The following FRMD4A variants were observed in gnomAD, a reference collection of about 807,000 sequenced individuals.
The protein encoded by FRMD4A is FERM domain containing 4A, also known as FERM domain-containing protein 4A.
A neutral mutation model predicts 129.1 loss-of-function variants in FRMD4A; 29 were observed. The ratio of observed to expected loss-of-function variants is 0.22; its 90% CI spans 0.17 to 0.31. FRMD4A has a LOEUF of 0.31. Among genes scored for constraint, FRMD4A ranks in the 10% least tolerant of loss-of-function variants. The probability of loss-of-function intolerance (pLI) is 1.00; values close to 1 mark genes in which losing one functional copy is unlikely to be tolerated. For missense variants in FRMD4A, 1,272 were observed against 1,375.8 expected (o/e 0.92, Z 1.19); for synonymous variants, 634 against 571.6 (o/e 1.11, Z -1.56).
At chr10:13,935,477 T>G (rs11599099) in intron 2 of FRMD4A, among the ~76,000 whole-genome samples, 13,248 of 113,570 alleles carry the variant, frequency 0.12, 1,566 homozygotes, top group Non-Finnish European at 0.15. Flanking sequence ...AAAAAAAAAG[T>G]TGTTACCAAA....
At chr10:14,224,686 A>C (rs1843377322) in intron 2 of FRMD4A, among the ~76,000 whole-genome samples, 1 of 152,180 alleles carries the variant, frequency 6.6e-6, no homozygotes. Flanking sequence ...AAAGCAGCAA[A>C]AGATAAGAGA....
chr10:14,102,967 C>T (rs1564293304), intron 2 of FRMD4A, among the ~76,000 whole-genome samples: 1 of 152,146 alleles, frequency 6.6e-6, no homozygotes, highest in South Asian at 2.1e-4. Context: ...CCTGTCACAG[C>T]CACTTTCTGA....
At chr10:13,858,711 C>G (rs1037920216) in intron 3 of FRMD4A, 136 bp downstream of exon 3, 1 of 709,802 alleles carries the variant, frequency 1.4e-6, no homozygotes, top group Non-Finnish European at 2.6e-6. Context: ...CCTGGTGGGT[C>G]CTAGTCATTC....
At chr10:14,129,751 A>G (rs550268119) in intron 2 of FRMD4A, among the ~76,000 whole-genome samples, 1 of 152,216 alleles carries the variant, frequency 6.6e-6, no homozygotes, top group Admixed American at 6.5e-5. Context: ...CCTGGGAAAT[A>G]TCTGAAATAT....
At chr10:13,859,031 C>A in intron 2 of FRMD4A, 119 bp from the exon 3 acceptor site, 1 of 731,262 alleles carries the variant, frequency 1.4e-6, no homozygotes, top group South Asian at 1.4e-5. Flanking sequence ...CTCTGGGAGT[C>A]GGCACTGTAT....
chr10:13,986,321 A>G (rs1167828744), intron 2 of FRMD4A, among the ~76,000 whole-genome samples: 1 of 151,742 alleles, frequency 6.6e-6, no homozygotes, highest in African/African-American at 2.4e-5. Context: ...GCAGCCATAA[A>G]AAATGATGAG....
Position 13,747,751 on chromosome 10 carries a change from G to C in FRMD4A, c.533C>G (p.Pro178Arg). The C allele has an allele frequency of 3.8e-6, 6 of 1,587,706 alleles. No individual in the cohort carries two copies. The highest frequency in any genetic ancestry group is 5.2e-6 in the Non-Finnish European group (6 of 1,156,226). ...ALPTQALKEH[P>R]SLAYCEDRVI... ...GGGGTCTTACCAGTAGGCCAGGGAA[G>C]GGTGCTCCTTCAGGGCTTGGGTGGG... The change falls in exon 9 of 25, where the codon CCT (proline) becomes CGT (arginine). Residue 178 changes from proline to arginine, a missense_variant. Coordinates refer to ENST00000357447, the MANE Select transcript of FRMD4A (RefSeq NM_018027.5).
intron 12 of FRMD4A, among the ~76,000 whole-genome samples, chr10:13,709,660 C>T (rs566942472): frequency 6.6e-6 from 1 of 152,290 alleles, no homozygotes; most frequent in East Asian, 1.9e-4. Flanking sequence ...CTGTTGGCTG[C>T]ATACCACGGC....
At chr10:14,321,032 GTTC>G (rs961494309) in intron 2 of FRMD4A, among the ~76,000 whole-genome samples, 1 of 152,190 alleles carries the variant, frequency 6.6e-6, no homozygotes, top group African/African-American at 2.4e-5. Flanking sequence ...GGCACTCATA[GTTC>G]TTCTATTTAT....
intron 2 of FRMD4A, among the ~76,000 whole-genome samples, chr10:14,175,958 A>C (rs1841709894): frequency 6.6e-6 from 1 of 152,232 alleles, no homozygotes; most frequent in Non-Finnish European, 1.5e-5. Flanking sequence ...CAACATATTG[A>C]GTGCAACTCG....
chr10:13,914,522 T>C (rs1815985303), intron 2 of FRMD4A, among the ~76,000 whole-genome samples: 3 of 152,228 alleles, frequency 2.0e-5, no homozygotes, highest in South Asian at 4.1e-4. Flanking sequence ...TTTATTTTTA[T>C]GTACTGATAA....
chr10:14,096,842 C>CA (rs1355053040), intron 2 of FRMD4A, among the ~76,000 whole-genome samples: 1 of 151,880 alleles, frequency 6.6e-6, no homozygotes, highest in South Asian at 2.1e-4. Flanking sequence ...CACTAAAGAA[C>CA]AAAAAAAGCA....
chr10:13,700,717 C>T (rs934484150), intron 14 of FRMD4A, among the ~76,000 whole-genome samples: 3 of 151,758 alleles, frequency 2.0e-5, no homozygotes, highest in African/African-American at 4.8e-5. Flanking sequence ...CACCAGAAAA[C>T]GCAGCTGCGT....
rs763957448 is a variant in FRMD4A, at chr10:13,657,144, G to A, written c.2445C>T (p.Gly815=). The A allele has an allele frequency of 3.6e-6, 5 of 1,380,522 alleles. No individual in the cohort carries two copies. Among genetic ancestry groups the A allele is most frequent in the Non-Finnish European group, 4.8e-6 (5 of 1,039,098 alleles). 85.5% of individuals were successfully genotyped at this position (1,380,522 alleles called of 1,614,324 possible). Residue 815 remains glycine (G), a synonymous_variant, in exon 22 of 25, where the codon GGC becomes GGT. Transcript: ENST00000357447. The part of the protein sequence containing the change: ...AARGGAGGAG[G]AGGGVYLHSQ... ...TGTGCAGGTACACACCGCCCCCCGC[G>A]CCCCCCGCGCCCCCCGCACCCCCGC...
chr10:14,002,943 T>C (rs1394569361), intron 2 of FRMD4A, among the ~76,000 whole-genome samples: 1 of 152,104 alleles, frequency 6.6e-6, no homozygotes, highest in African/African-American at 2.4e-5. Flanking sequence ...GGTTGGAATA[T>C]AACATTCCCA....
At chr10:13,711,655 A>G (rs538749404) in intron 12 of FRMD4A, among the ~76,000 whole-genome samples, 1 of 152,380 alleles carries the variant, frequency 6.6e-6, no homozygotes, top group East Asian at 1.9e-4. Context: ...TAATCAAAGA[A>G]TGTATTAATT....
At chr10:14,114,004 G>A (rs377062565) in intron 2 of FRMD4A, among the ~76,000 whole-genome samples, 31 of 152,316 alleles carry the variant, frequency 2.0e-4, no homozygotes, top group African/African-American at 7.0e-4. Context: ...CTCCAGCAGG[G>A]CATAGCCTTG....
At chr10:14,279,182 ATTTTT>A (rs1223887250) in intron 2 of FRMD4A, among the ~76,000 whole-genome samples, 96 of 99,616 alleles carry the variant, frequency 9.6e-4, no homozygotes, top group Admixed American at 2.5e-3. Flanking sequence ...AGGAAGCGGG[ATTTTT>A]TTTTTTTTTT....
At chr10:14,131,853 A>G (rs1298816680) in intron 2 of FRMD4A, among the ~76,000 whole-genome samples, 8 of 152,112 alleles carry the variant, frequency 5.3e-5, no homozygotes, top group African/African-American at 1.4e-4. Context: ...GCCTTTTCTT[A>G]TAATCACACA....
Sources: allele counts gnomAD v4.1 joint callset (sites outside exome capture counted in the v4.1 genomes callset), GRCh38; gene constraint gnomAD v4.1.1; transcripts MANE v1.5; gene names NCBI Gene and HGNC (gene_info 2026-07-23, HGNC 2026-07-21).